Variants in SFMBT2 observed in about 807,000 individuals in gnomAD.
The protein encoded by SFMBT2 is Scm like with four mbt domains 2.
Under a neutral mutation model 110.1 loss-of-function variants are expected in SFMBT2, and 38 were observed. That is an observed-to-expected ratio of 0.35 (90% CI 0.27 to 0.45). The LOEUF is 0.45. Among genes scored for constraint, SFMBT2 ranks in the 20% least tolerant of loss-of-function variants. SFMBT2 has a pLI of 1.00. For missense variants in SFMBT2, 1,011 were observed against 1,094.9 expected (o/e 0.92, Z 1.08); for synonymous variants, 425 against 425.4 (o/e 1.00, Z 0.01).
intron 1 of SFMBT2, among the ~76,000 whole-genome samples, chr10:7,385,878 T>C (rs1324847009): frequency 1.3e-5 from 2 of 152,114 alleles, no homozygotes; most frequent in South Asian, 2.1e-4. Flanking sequence ...TGGGCACCTG[T>C]AGTCCCAGCT....
At chr10:7,325,423 A>G (rs1042620936) in intron 4 of SFMBT2, among the ~76,000 whole-genome samples, 1 of 152,216 alleles carries the variant, frequency 6.6e-6, no homozygotes, top group Admixed American at 6.5e-5. Flanking sequence ...TTCTATTATC[A>G]CAAGGTATCT....
chr10:7,180,428 T>C (rs1027206592), intron 16 of SFMBT2, among the ~76,000 whole-genome samples: 1 of 152,072 alleles, frequency 6.6e-6, no homozygotes, highest in East Asian at 1.9e-4. Context: ...CGTGAGTCAC[T>C]GTGCCCAGCC....
intron 11 of SFMBT2, among the ~76,000 whole-genome samples, chr10:7,209,248 T>C (rs923405412): frequency 3.4e-4 from 52 of 152,368 alleles, no homozygotes; most frequent in African/African-American, 1.1e-3. Context: ...AAAAAGTTCA[T>C]AGGCAAAGCT....
At chr10:7,336,029 T>C (rs1843710194) in intron 4 of SFMBT2, among the ~76,000 whole-genome samples, 1 of 152,246 alleles carries the variant, frequency 6.6e-6, no homozygotes, top group African/African-American at 2.4e-5. Flanking sequence ...TAGTACAAAG[T>C]ATCAGGCAGC....
intron 4 of SFMBT2, among the ~76,000 whole-genome samples, chr10:7,297,102 C>T (rs7921493): frequency 0.13 from 19,100 of 152,224 alleles, 1,407 homozygotes; most frequent in African/African-American, 0.2. Flanking sequence ...ACACATTGCC[C>T]TACCGTTACT....
intron 4 of SFMBT2, among the ~76,000 whole-genome samples, chr10:7,326,372 G>C (rs1286785683): frequency 6.6e-6 from 1 of 152,158 alleles, no homozygotes; most frequent in African/African-American, 2.4e-5. Flanking sequence ...AGGGACATTT[G>C]ACATCCTTAG....
chr10:7,407,421 C>G (rs1846249700), intron 1 of SFMBT2, among the ~76,000 whole-genome samples: 1 of 152,120 alleles, frequency 6.6e-6, no homozygotes. Flanking sequence ...GCAGCGGCAA[C>G]CGAGCCAGAT....
intron 11 of SFMBT2, among the ~76,000 whole-genome samples, chr10:7,211,297 C>G (rs1839340012): frequency 1.3e-5 from 2 of 152,212 alleles, no homozygotes; most frequent in African/African-American, 4.8e-5. Context: ...ACAGGAAAAG[C>G]CAGGTCAACC....
At position 7,367,498 on chromosome 10, in the gene SFMBT2, G is replaced by C; in HGVS notation, c.436+151C>G. ...ATGCACTGATCTCCCTCCAGCTAAG[G>C]AAACCTGAGAAACCACTCTGAAAGA... On this transcript the variant is annotated intron_variant, in intron 4 of 20. Coordinates refer to ENST00000397167, the MANE Select transcript of SFMBT2 (RefSeq NM_001387889.1). This position sits in a 1 kb window ranked among gnomAD's most constrained non-coding sequence, Gnocchi z 6.2. The C allele has an allele frequency of 7.6e-7, 1 of 1,320,964 alleles. No individual in the cohort carries two copies. The highest frequency in any genetic ancestry group is 2.9e-5 in the Admixed American group (1 of 34,446). The allele number at this position is 1,320,964 out of a possible 1,614,324, so 81.8% of individuals were successfully genotyped here.
intron 7 of SFMBT2, among the ~76,000 whole-genome samples, chr10:7,266,213 C>A (rs1422027197): frequency 6.6e-6 from 1 of 152,056 alleles, no homozygotes; most frequent in Non-Finnish European, 1.5e-5. Flanking sequence ...CCTCAGCCAC[C>A]CTAGTAGCTG....
At chr10:7,331,537 C>T (rs570384783) in intron 4 of SFMBT2, among the ~76,000 whole-genome samples, 1 of 152,204 alleles carries the variant, frequency 6.6e-6, no homozygotes, top group South Asian at 2.1e-4. Context: ...GGCATCCCCA[C>T]ATGCAGAACT....
chr10:7,185,729 A>C (rs1838381641), intron 16 of SFMBT2, among the ~76,000 whole-genome samples: 1 of 152,246 alleles, frequency 6.6e-6, no homozygotes, highest in Admixed American at 6.5e-5. Context: ...AAGCCATTCA[A>C]AGAAGAGTTA....
chr10:7,255,155 T>C (rs1261874861), intron 7 of SFMBT2, among the ~76,000 whole-genome samples: 2 of 152,148 alleles, frequency 1.3e-5, no homozygotes, highest in Admixed American at 1.3e-4. Flanking sequence ...CATGCATTCA[T>C]TTACACAAAC....
At chr10:7,377,870 T>TCACGGGACACAGGGGAGGTGG (rs1845285509) in intron 2 of SFMBT2, among the ~76,000 whole-genome samples, 2 of 149,950 alleles carry the variant, frequency 1.3e-5, no homozygotes. Context: ...TAGAAATGTG[T>TCACGGGACACAGGGGAGGTGG]CACGGGACAC....
intron 1 of SFMBT2, among the ~76,000 whole-genome samples, chr10:7,389,267 G>A (rs1845705401): frequency 6.6e-6 from 1 of 152,068 alleles, no homozygotes; most frequent in African/African-American, 2.4e-5. Context: ...TCTTGGTGGT[G>A]ACAACTGCTC....
intron 1 of SFMBT2, among the ~76,000 whole-genome samples, chr10:7,382,968 C>T (rs959491435): frequency 6.6e-6 from 1 of 152,196 alleles, no homozygotes; most frequent in African/African-American, 2.4e-5. Context: ...CCATACCTGG[C>T]TCCGATGCTC....
chr10:7,206,373 C>G, intron 11 of SFMBT2: 3 of 985,404 alleles, frequency 3.0e-6, no homozygotes, highest in Non-Finnish European at 3.6e-6. Context: ...TATGCTCCAC[C>G]TAACACCAAG....
rs2131497258 is a variant in SFMBT2 at position 7,160,928 on chromosome 10, C to T, written c.*2842G>A. 1 of 152,332 alleles carries T rather than the reference C, an allele frequency of 6.6e-6. No individual in the cohort carries two copies. The allele number at this position is 152,332 out of a possible 1,614,324, so 9.4% of individuals were successfully genotyped here. On this transcript the variant is annotated 3_prime_UTR_variant, in exon 21 of 21. Transcript: ENST00000397167. The stretch of plus-strand genomic sequence containing the variant: ...GGGTCCTAAAATCTTTCTGGGCTCT[C>T]CTCAAGGACCGGAGAGATGGCACAG...
At chr10:7,235,524 A>G (rs1306087562) in intron 9 of SFMBT2, among the ~76,000 whole-genome samples, 1 of 140,764 alleles carries the variant, frequency 7.1e-6, no homozygotes, top group East Asian at 1.9e-4. Context: ...ACCACACACT[A>G]CATACCACAC....
Sources: allele counts gnomAD v4.1 joint callset (sites outside exome capture counted in the v4.1 genomes callset), GRCh38; gene constraint gnomAD v4.1.1; non-coding constraint Gnocchi (gnomAD v3.1); transcripts MANE v1.5; gene names NCBI Gene and HGNC (gene_info 2026-07-23, HGNC 2026-07-21).